The following IPCEF1 variants were observed in gnomAD, a reference collection of about 807,000 sequenced individuals.
IPCEF1 encodes the protein interactor protein for cytohesin exchange factors 1.
Under a neutral mutation model 50.9 loss-of-function variants are expected in IPCEF1, and 31 were observed. The ratio of observed to expected loss-of-function variants is 0.61; its 90% CI spans 0.46 to 0.82. The LOEUF (loss-of-function observed/expected upper bound fraction) is 0.82, where lower values mean the gene tolerates loss of function less well. Among genes scored for constraint, IPCEF1 ranks in the 40% least tolerant of loss-of-function variants. IPCEF1 has a pLI of 0.00. For missense variants in IPCEF1, 458 were observed against 514.0 expected, an observed-to-expected ratio of 0.89 and a Z score of 1.05; for synonymous variants, 181 against 192.0, an observed-to-expected ratio of 0.94 and a Z score of 0.47.
intron 10 of IPCEF1, among the ~76,000 whole-genome samples, chr6:154,186,534 C>G (rs1801364390): frequency 6.6e-6 from 1 of 152,032 alleles, no homozygotes; most frequent in Non-Finnish European, 1.5e-5. Context: ...GTGCACGGAG[C>G]CAGAGCAGCT....
chr6:154,246,539 A>C, intron 5 of IPCEF1, 52 bp downstream of exon 5: 9 of 1,554,860 alleles, frequency 5.8e-6, no homozygotes, highest in Non-Finnish European at 7.0e-6. Context: ...TGATGCCTTT[A>C]ACGTATCCCT....
chr6:154,304,281 A>C (rs994812387), intron 1 of IPCEF1, among the ~76,000 whole-genome samples: 5 of 152,132 alleles, frequency 3.3e-5, no homozygotes, highest in African/African-American at 1.2e-4. Context: ...AAATACATCA[A>C]TAAGCAGCTT....
chr6:154,335,091 T>A (rs1209815207), intron 1 of IPCEF1, among the ~76,000 whole-genome samples: 1 of 151,932 alleles, frequency 6.6e-6, no homozygotes, highest in Non-Finnish European at 1.5e-5. Context: ...GATGGGAGGA[T>A]CACTTTAGCC....
intron 1 of IPCEF1, among the ~76,000 whole-genome samples, chr6:154,336,869 G>A (rs1281386915): frequency 6.6e-6 from 1 of 152,154 alleles, no homozygotes; most frequent in Non-Finnish European, 1.5e-5. Context: ...CTCCCAAAGT[G>A]CTGAGACTAC....
intron 1 of IPCEF1, among the ~76,000 whole-genome samples, chr6:154,354,396 AACC>A (rs1206552284): frequency 5.1e-5 from 1 of 19,438 alleles, no homozygotes; most frequent in South Asian, 9.8e-4. Context: ...CGTCACCTCC[AACC>A]ACCATCTCCA....
At chr6:154,335,764 T>G (rs1341256085) in intron 1 of IPCEF1, among the ~76,000 whole-genome samples, 1 of 152,170 alleles carries the variant, frequency 6.6e-6, no homozygotes, top group Non-Finnish European at 1.5e-5. Flanking sequence ...GGACTAATAT[T>G]CAGAATAACA....
chr6:154,213,025 G>C, intron 8 of IPCEF1, 170 bp from the exon 9 acceptor site: 1 of 586,868 alleles, frequency 1.7e-6, no homozygotes, highest in East Asian at 2.8e-5. Context: ...TACATAAGAG[G>C]CAGAAACAAA....
At chr6:154,287,160 CCTCTCTCT>C (rs10563787) in intron 2 of IPCEF1, among the ~76,000 whole-genome samples, 1,813 of 148,334 alleles carry the variant, frequency 0.012, 18 homozygotes, top group South Asian at 0.023. Flanking sequence ...CCCTTCTCTC[CCTCTCTCT>C]CTCTCTCTCT....
intron 10 of IPCEF1, among the ~76,000 whole-genome samples, chr6:154,181,488 A>T (rs983850817): frequency 3.3e-5 from 5 of 152,254 alleles, no homozygotes; most frequent in African/African-American, 1.2e-4. Flanking sequence ...AAATTTACAT[A>T]GCTATACTAT....
intron 2 of IPCEF1, among the ~76,000 whole-genome samples, chr6:154,284,006 A>T (rs1041320246): frequency 3.3e-5 from 5 of 152,236 alleles, no homozygotes; most frequent in Non-Finnish European, 7.3e-5. Context: ...TGAGCATATA[A>T]TTAAAAAAAG....
intron 9 of IPCEF1, among the ~76,000 whole-genome samples, chr6:154,207,185 C>T (rs971792690): frequency 6.6e-6 from 1 of 152,154 alleles, no homozygotes; most frequent in Non-Finnish European, 1.5e-5. Context: ...TGGGGGAGAG[C>T]CACCGGGCTG....
intron 10 of IPCEF1, among the ~76,000 whole-genome samples, chr6:154,199,120 G>A (rs1204183771): frequency 1.3e-5 from 2 of 152,222 alleles, no homozygotes; most frequent in Non-Finnish European, 2.9e-5. Context: ...CTGAACGCAT[G>A]AGTTGTGCTC....
At chr6:154,171,115 TAAATACCCAAGAG>T (rs776772325) in intron 10 of IPCEF1, among the ~76,000 whole-genome samples, 33 of 152,270 alleles carry the variant, frequency 2.2e-4, no homozygotes, top group South Asian at 1.0e-3. Flanking sequence ...CACTCCTACA[TAAATACCCAAGAG>T]AATTGAAAAC....
intron 4 of IPCEF1, chr6:154,247,002 T>C (rs1781105589): frequency 4.3e-6 from 2 of 465,458 alleles, no homozygotes; most frequent in African/African-American, 2.0e-5. Flanking sequence ...TTAGAAGGTA[T>C]AAGATACGGC....
At position 154,296,435 on chromosome 6, in the gene IPCEF1, TCC is replaced by T. The variant is rs546454664; in HGVS notation, c.-61-6681_-61-6680del. ...CAACTCCACCGCATGCCCTAGAAACTCCCAGGCTAGAGATTCATTTTTGGCAA... is the reference window on the plus strand; with the variant it reads ...CAACTCCACCGCATGCCCTAGAAACTCAGGCTAGAGATTCATTTTTGGCAA... On this transcript the variant is annotated intron_variant, in intron 1 of 11. Transcript: ENST00000367220. 4.5e-4 allele frequency among the ~76,000 whole-genome samples: 68 copies of T among 152,162 alleles called. No individual in the cohort carries two copies. The South Asian group carries it at 0.014, about 31-fold the overall frequency.
chr6:154,211,952 ATGGCTAACAAACATGAGAAGGTGCT>A (rs553482992), intron 9 of IPCEF1, among the ~76,000 whole-genome samples: 51 of 152,384 alleles, frequency 3.3e-4, no homozygotes, highest in Non-Finnish European at 6.3e-4. Context: ...GAAAGTTCTA[ATGGCTAACAAACATGAGAAGGTGCT>A]TGGCCTCATT....
chr6:154,304,563 C>A (rs892187800), intron 1 of IPCEF1, among the ~76,000 whole-genome samples: 1 of 152,148 alleles, frequency 6.6e-6, no homozygotes, highest in East Asian at 1.9e-4. Context: ...TTTATATATT[C>A]TGAATGAAGG....
At chr6:154,316,086 G>A (rs530181561) in intron 1 of IPCEF1, among the ~76,000 whole-genome samples, 101 of 152,202 alleles carry the variant, frequency 6.6e-4, no homozygotes, top group African/African-American at 2.3e-3. Flanking sequence ...TTGAACTCCT[G>A]GCCTCAAGCA....
At chr6:154,316,396 T>A (rs1260731762) in intron 1 of IPCEF1, among the ~76,000 whole-genome samples, 1 of 152,200 alleles carries the variant, frequency 6.6e-6, no homozygotes, top group Non-Finnish European at 1.5e-5. Context: ...CTGCAATATC[T>A]CTGAGTTATG....
Sources: gnomAD v4.1 joint callset for allele counts (sites outside exome capture counted in the v4.1 genomes callset) on GRCh38, gnomAD v4.1.1 for gene constraint, MANE v1.5 for transcripts, NCBI Gene and HGNC (gene_info 2026-07-23, HGNC 2026-07-21) for gene names.